FGGY: variants seen among roughly 807,000 people sequenced by gnomAD.
The protein encoded by FGGY is FGGY carbohydrate kinase domain-containing protein.
In FGGY, 72 loss-of-function variants were observed where a neutral mutation model predicts 71.3. The ratio of observed to expected loss-of-function variants is 1.01; its 90% CI spans 0.84 to 1.23. FGGY has a LOEUF of 1.23. Ranked by LOEUF, FGGY falls within the 50% of genes most tolerant of loss-of-function variation. The pLI, the probability that FGGY is intolerant of heterozygous loss-of-function variation, is 0.00. For missense variants in FGGY, 668 were observed against 682.3 expected (o/e 0.98, Z 0.23); for synonymous variants, 251 against 250.3 (o/e 1.00, Z -0.02).
chr1:59,506,843 GAAAAAAGA>G (rs1045568751), intron 6 of FGGY, among the ~76,000 whole-genome samples: 6 of 151,372 alleles, frequency 4.0e-5, no homozygotes, highest in African/African-American at 1.5e-4. Flanking sequence ...AGAAATTAGA[GAAAAAAGA>G]AAAAAAGGAA....
At chr1:59,385,160 C>A (rs919789777) in intron 5 of FGGY, among the ~76,000 whole-genome samples, 18 of 152,042 alleles carry the variant, frequency 1.2e-4, no homozygotes, top group African/African-American at 3.9e-4. Context: ...CTTCCTTCTC[C>A]ATTTTCCTCT....
At chr1:59,610,872 G>A (rs1406173691) in intron 9 of FGGY, among the ~76,000 whole-genome samples, 2 of 152,212 alleles carry the variant, frequency 1.3e-5, no homozygotes, top group South Asian at 2.1e-4. Context: ...TATATCCTGC[G>A]CCTGGCTCAG....
chr1:59,577,807 G>T (rs2096109755), intron 8 of FGGY, among the ~76,000 whole-genome samples: 1 of 152,054 alleles, frequency 6.6e-6, no homozygotes, highest in South Asian at 2.1e-4. Flanking sequence ...TCCTGACTTG[G>T]AACTCTCTGC....
At chr1:59,653,598 G>T (rs950224732) in intron 11 of FGGY, among the ~76,000 whole-genome samples, 1 of 152,198 alleles carries the variant, frequency 6.6e-6, no homozygotes, top group East Asian at 1.9e-4. Flanking sequence ...GCAATGCCTC[G>T]CCCTGCTTCG....
chr1:59,487,196 G>A (rs1049941366), intron 6 of FGGY, among the ~76,000 whole-genome samples: 9 of 152,104 alleles, frequency 5.9e-5, no homozygotes, highest in African/African-American at 1.7e-4. Flanking sequence ...CTCCATTCTC[G>A]GGTTGAGCTC....
chr1:59,473,742 C>A (rs1246149026), intron 6 of FGGY, among the ~76,000 whole-genome samples: 2 of 152,180 alleles, frequency 1.3e-5, no homozygotes, highest in African/African-American at 4.8e-5. Flanking sequence ...TGGCAGGAGT[C>A]ACTCTATTCC....
intron 10 of FGGY, among the ~76,000 whole-genome samples, chr1:59,633,617 A>G (rs2096929311): frequency 1.3e-5 from 2 of 152,218 alleles, no homozygotes; most frequent in Admixed American, 1.3e-4. Context: ...GTTGCATTGT[A>G]GAAGAACCAA....
intron 6 of FGGY, among the ~76,000 whole-genome samples, chr1:59,458,813 A>T (rs112847486): frequency 1.3e-5 from 2 of 152,314 alleles, no homozygotes; most frequent in African/African-American, 4.8e-5. Context: ...TGGACACTTG[A>T]GCTTGTAGTT....
intron 5 of FGGY, among the ~76,000 whole-genome samples, chr1:59,404,050 T>C (rs2062376688): frequency 6.6e-6 from 1 of 152,216 alleles, no homozygotes; most frequent in African/African-American, 2.4e-5. Flanking sequence ...TAACCTGTAG[T>C]CAAAAAGTAG....
intron 7 of FGGY, among the ~76,000 whole-genome samples, chr1:59,524,192 T>C (rs915086465): frequency 6.6e-6 from 1 of 152,214 alleles, no homozygotes; most frequent in Non-Finnish European, 1.5e-5. Context: ...CAGCCAGGTG[T>C]ACATGCACTT....
chr1:59,409,677 T>G (rs567830775), intron 5 of FGGY, among the ~76,000 whole-genome samples: 1 of 151,374 alleles, frequency 6.6e-6, no homozygotes, highest in Non-Finnish European at 1.5e-5. Context: ...AAGGCCTAAG[T>G]AGGGTTACAT....
At chr1:59,354,987 G>A (rs947641455) in intron 4 of FGGY, among the ~76,000 whole-genome samples, 1 of 152,220 alleles carries the variant, frequency 6.6e-6, no homozygotes, top group Admixed American at 6.5e-5. Context: ...AGGAGGGTAT[G>A]AGCAAGGCAC....
chr1:59,457,162 GTTT>G, intron 6 of FGGY, 86 bp downstream of exon 6: 1 of 940,338 alleles, frequency 1.1e-6, no homozygotes, highest in South Asian at 1.4e-5. Flanking sequence ...TATGTTTCTT[GTTT>G]TTGTATGCAT....
At chr1:59,499,508 A>G (rs149266925) in intron 6 of FGGY, among the ~76,000 whole-genome samples, 88 of 152,076 alleles carry the variant, frequency 5.8e-4, no homozygotes, top group Middle Eastern at 3.4e-3. Flanking sequence ...TCCATTTAAT[A>G]TTTTTGTACT....
chr1:59,376,794 G>A (rs1203300431), intron 4 of FGGY, among the ~76,000 whole-genome samples: 1 of 152,208 alleles, frequency 6.6e-6, no homozygotes, highest in African/African-American at 2.4e-5. Flanking sequence ...GCTTTTTGGA[G>A]AGGGAGTAAT....
At chr1:59,467,832 A>C (rs1444006666) in intron 6 of FGGY, among the ~76,000 whole-genome samples, 1 of 152,052 alleles carries the variant, frequency 6.6e-6, no homozygotes, top group African/African-American at 2.4e-5. Flanking sequence ...TATATGTTTG[A>C]ATTAAGGATT....
intron 14 of FGGY, among the ~76,000 whole-genome samples, chr1:59,691,586 C>A (rs974174961): frequency 1.3e-5 from 2 of 151,576 alleles, no homozygotes; most frequent in South Asian, 4.2e-4. Flanking sequence ...GAGGAGTCAA[C>A]GAGCTGGCCC....
At chr1:59,603,277 G>A (rs12750378) in intron 8 of FGGY, among the ~76,000 whole-genome samples, 14,558 of 152,128 alleles carry the variant, frequency 0.096, 839 homozygotes, top group South Asian at 0.3. Flanking sequence ...CCCATAATAA[G>A]CTATTTTTCC....
At chr1:59,385,053 TCAAGACTAA>T (rs1288218758) in intron 5 of FGGY, among the ~76,000 whole-genome samples, 2 of 152,136 alleles carry the variant, frequency 1.3e-5, no homozygotes, top group Non-Finnish European at 2.9e-5. Flanking sequence ...TTTAGTAGAG[TCAAGACTAA>T]CAAGTGATCG....
Sources: allele counts gnomAD v4.1 joint callset (sites outside exome capture counted in the v4.1 genomes callset), GRCh38; gene constraint gnomAD v4.1.1; transcripts MANE v1.5; gene names NCBI Gene and HGNC (gene_info 2026-07-23, HGNC 2026-07-21).